The following NRBP2 variants were observed in gnomAD, a reference collection of about 807,000 sequenced individuals.
NRBP2 encodes nuclear receptor-binding protein 2.
A neutral mutation model predicts 74.4 loss-of-function variants in NRBP2; 47 were observed. The ratio of observed to expected loss-of-function variants is 0.63; its 90% confidence interval spans 0.50 to 0.81. The LOEUF (loss-of-function observed/expected upper bound fraction) is 0.81. Ranked by LOEUF, NRBP2 falls within the 30% of genes least tolerant of loss-of-function variation. The pLI is 0.00. For missense variants in NRBP2, 613 were observed against 690.1 expected, an observed-to-expected ratio of 0.89 and a Z score of 1.25; for synonymous variants, 312 against 273.8, an observed-to-expected ratio of 1.14 and a Z score of -1.38.
In NRBP2 at chr8:143,835,333, C is replaced by G; in HGVS notation, c.*329G>C. 2.2e-6 allele frequency: 1 copy of G among 449,036 alleles called. No individual in the cohort carries two copies. The highest frequency in any genetic ancestry group is 4.0e-6 in the Non-Finnish European group (1 of 247,042). 27.8% of individuals were successfully genotyped at this position (449,036 alleles called of 1,614,324 possible). Reference sequence around the variant, plus strand: ...AGAGCTGGGGTTCCCTACAGGGCAGCCTCCTGCATGCTGAGGAGGCAGTGG... The same window carrying G: ...AGAGCTGGGGTTCCCTACAGGGCAGGCTCCTGCATGCTGAGGAGGCAGTGG... On this transcript the variant is annotated 3_prime_UTR_variant, in exon 18 of 18. Transcript: ENST00000442628. The surrounding 1 kb of genome is among the most constrained non-coding windows in gnomAD (Gnocchi z 4.9).
rs976695301 is a variant in NRBP2 at position 143,839,485 on chromosome 8, G to A, written c.485+24C>T. On this transcript the variant is annotated intron_variant, in intron 5 of 17. Coordinates refer to ENST00000442628, the MANE Select transcript of NRBP2 (RefSeq NM_178564.4). The surrounding 1 kb of genome is among the most constrained non-coding windows in gnomAD (Gnocchi z 5.1). ...AGAGATGGGGGCTCGGTGGCGCCGC[G>A]CCCAGGCCAGCCCAGGCCCTCACCT... 36 of 1,531,532 alleles carry A rather than the reference G, an allele frequency of 2.4e-5. No homozygotes were observed. Among genetic ancestry groups the A allele is most frequent in the Non-Finnish European group, 2.8e-5 (32 of 1,144,844 alleles). The allele number at this position is 1,531,532 out of a possible 1,614,324, so 94.9% of individuals were successfully genotyped here.
intron 14 of NRBP2, among the ~76,000 whole-genome samples, chr8:143,836,744 G>A (rs1197212908): frequency 2.0e-5 from 3 of 151,322 alleles, no homozygotes; most frequent in African/African-American, 7.3e-5. Context: ...TTGCTGGCAG[G>A]GTGGAAGAGC....
chr8:143,835,632 G>A lies in NRBP2; in HGVS notation c.*30C>T, dbSNP rs367899787. 4.5e-4 allele frequency: 688 copies of A among 1,542,282 alleles called. 6 individuals carry two copies. The African/African-American group carries it at 7.8e-3, about 17-fold the overall frequency. Reference sequence around the variant, plus strand: ...ACATGGCCTGCCCAGGCAGCACCCCGGCATGGTCCCCTGGGGCTGGGGCTC... The same window carrying A: ...ACATGGCCTGCCCAGGCAGCACCCCAGCATGGTCCCCTGGGGCTGGGGCTC... On this transcript the variant is annotated 3_prime_UTR_variant, in exon 18 of 18. Coordinates refer to ENST00000442628, the MANE Select transcript of NRBP2 (RefSeq NM_178564.4). This position sits in a 1 kb window ranked among gnomAD's most constrained non-coding sequence, Gnocchi z 4.9.
chr8:143,839,919 C>T lies in NRBP2; in HGVS notation c.354+10G>A, dbSNP rs782131919. 2.0e-6 allele frequency: 3 copies of T among 1,536,042 alleles called. No homozygotes were observed. In the South Asian group the frequency reaches 3.6e-5, roughly 18 times the overall value. On this transcript the variant is annotated intron_variant, in intron 3 of 17. Coordinates refer to ENST00000442628, the MANE Select transcript of NRBP2 (RefSeq NM_178564.4). The surrounding 1 kb of genome is among the most constrained non-coding windows in gnomAD (Gnocchi z 5.1). ...GGTCTCTGCCTGCCCGGGGCCTTGCCCGTGCTCACCCTCGCGCAGGCCTCA... is the reference window on the plus strand; with the variant it reads ...GGTCTCTGCCTGCCCGGGGCCTTGCTCGTGCTCACCCTCGCGCAGGCCTCA...
At chr8:143,832,243 C>G (rs576006187), downstream of NRBP2, among the ~76,000 whole-genome samples, 571 of 151,604 alleles carry the variant, frequency 3.8e-3, 10 homozygotes, top group African/African-American at 0.013. Context: ...AGAGTCATCA[C>G]CACTCCCTAA....
Position 143,840,110 on chromosome 8 carries a change from G to A in NRBP2, c.249C>T (p.His83=), listed in dbSNP as rs782766071. 3 of 1,536,114 alleles carry A rather than the reference G, an allele frequency of 2.0e-6. No homozygotes were observed. Among genetic ancestry groups the A allele is most frequent in the Admixed American group, 3.9e-5 (2 of 51,012 alleles). Residue 83 remains histidine (H), a synonymous_variant, in exon 2 of 18, where the codon CAC becomes CAT. Coordinates refer to ENST00000442628, the MANE Select transcript of NRBP2 (RefSeq NM_178564.4). This position sits in a 1 kb window ranked among gnomAD's most constrained non-coding sequence, Gnocchi z 5.7. ...HFGDRKAFAA[H]EEKIQTVFEQ... ...GAGGAGGGGGCAGCGGTCTCACCTC[G>A]TGCGCCGCGAAGGCCTTCCTGTCTC...
At position 143,840,532 on chromosome 8, in the gene NRBP2, A is replaced by G; in HGVS notation, c.129+174T>C. ...AGGAGACTGGCCCTCAGGGAGTCCC[A>G]GGGCGAGCGCCAGGCCAAAGGGGTC... On this transcript the variant is annotated intron_variant, in intron 1 of 17. Coordinates refer to ENST00000442628, the MANE Select transcript of NRBP2 (RefSeq NM_178564.4). The surrounding 1 kb of genome is among the most constrained non-coding windows in gnomAD (Gnocchi z 5.7). 1.4e-6 allele frequency: 1 copy of G among 702,854 alleles called. No individual in the cohort carries two copies. The highest frequency in any genetic ancestry group is 2.3e-6 in the Non-Finnish European group (1 of 440,412). The allele number at this position is 702,854 out of a possible 1,614,324, so 43.5% of individuals were successfully genotyped here. A position where few individuals can be genotyped will look rare whatever the true frequency, so the allele number is the denominator to read the frequency against.
downstream of NRBP2, among the ~76,000 whole-genome samples, chr8:143,832,617 T>C (rs1272388350): frequency 1.3e-5 from 2 of 152,196 alleles, no homozygotes; most frequent in Non-Finnish European, 2.9e-5. Flanking sequence ...TTGTAAAGCA[T>C]TGAGATGTTT....
Position 143,839,417 on chromosome 8 carries a change from G to T in NRBP2, c.486-9C>A. ...TGCAGGCGTGCAGGAAGCTGCAGAC[G>T]TTGGGGAGGGGAGAGTAGGAGGAGC... is the stretch of plus-strand genomic sequence containing the variant. On this transcript the variant is annotated splice_polypyrimidine_tract_variant and intron_variant, in intron 5 of 17. Transcript: ENST00000442628. This position sits in a 1 kb window ranked among gnomAD's most constrained non-coding sequence, Gnocchi z 5.1. 1 of 1,556,438 alleles carries T rather than the reference G, an allele frequency of 6.4e-7. No homozygotes were observed.
chr8:143,836,190 G>C lies in NRBP2; in HGVS notation c.1264-10C>G. ...ACTGCATCTGGATGACCTGCAGCGG[G>C]GGAAGGCTGGGACTCACAAACCCAG... On this transcript the variant is annotated splice_polypyrimidine_tract_variant and intron_variant, in intron 14 of 17. Coordinates refer to ENST00000442628, the MANE Select transcript of NRBP2 (RefSeq NM_178564.4). 6.5e-7 allele frequency: 1 copy of C among 1,539,240 alleles called. No homozygotes were observed. The highest frequency in any genetic ancestry group is 1.4e-5 in the African/African-American group (1 of 70,372).
chr8:143,832,534 C>T (rs1554650471), downstream of NRBP2, among the ~76,000 whole-genome samples: 1 of 152,266 alleles, frequency 6.6e-6, no homozygotes, highest in Non-Finnish European at 1.5e-5. Context: ...AACCTGATTG[C>T]ATGCTCCATC....
At chr8:143,833,215 C>T (rs1053614842), downstream of NRBP2, 2 of 152,186 alleles carry the variant, frequency 1.3e-5, no homozygotes, top group African/African-American at 2.4e-5. Context: ...ACAGGATGCT[C>T]ATGCTTCTTC....
At position 143,840,246 on chromosome 8, in the gene NRBP2, G is replaced by T. The variant is rs1458957901; in HGVS notation, c.130-17C>A. 1 of 1,535,802 alleles carries T rather than the reference G, an allele frequency of 6.5e-7. No homozygotes were observed. Among genetic ancestry groups the T allele is most frequent in the African/African-American group, 1.4e-5 (1 of 73,176 alleles). On this transcript the variant is annotated splice_polypyrimidine_tract_variant and intron_variant, in intron 1 of 17. Coordinates refer to ENST00000442628, the MANE Select transcript of NRBP2 (RefSeq NM_178564.4). This position sits in a 1 kb window ranked among gnomAD's most constrained non-coding sequence, Gnocchi z 5.7. Reference sequence around the variant, plus strand: ...TTGGTTTACCTGGGGGTGAATAAAGGGTTATGTGTGCCCTGGTGTGTGTCA... The same window carrying T: ...TTGGTTTACCTGGGGGTGAATAAAGTGTTATGTGTGCCCTGGTGTGTGTCA...
At chr8:143,831,262 G>C (rs1818156678), downstream of NRBP2, among the ~76,000 whole-genome samples, 1 of 152,224 alleles carries the variant, frequency 6.6e-6, no homozygotes, top group African/African-American at 2.4e-5. Flanking sequence ...ACAAGGCAGG[G>C]AGCAGCAGTA....
At position 143,840,568 on chromosome 8, in the gene NRBP2, T is replaced by G; in HGVS notation, c.129+138A>C. ...CAGGCCAAAGGGGTCCAGGGGTGGC[T>G]GATTCGCGGGCCGCGAGGGGCCGCG... On this transcript the variant is annotated intron_variant, in intron 1 of 17. Coordinates refer to ENST00000442628, the MANE Select transcript of NRBP2 (RefSeq NM_178564.4). This position sits in a 1 kb window ranked among gnomAD's most constrained non-coding sequence, Gnocchi z 5.7. 1 of 895,398 alleles carries G rather than the reference T, an allele frequency of 1.1e-6. No homozygotes were observed. Among genetic ancestry groups the G allele is most frequent in the Non-Finnish European group, 1.6e-6 (1 of 628,098 alleles). 55.5% of individuals were successfully genotyped at this position (895,398 alleles called of 1,614,324 possible).
chr8:143,839,560 ACGCACGACTCCGTCGGT>A lies in NRBP2; in HGVS notation c.445-28_445-12del. The stretch of plus-strand genomic sequence containing the variant: ...CCAGCGCTTCCAGGCCTGGCGGCGG[ACGCACGACTCCGTCGGT>A]CGGGTGGGCGCAGGAGAGGCGGCTG... On this transcript the variant is annotated splice_polypyrimidine_tract_variant and intron_variant, in intron 4 of 17. Coordinates refer to ENST00000442628, the MANE Select transcript of NRBP2 (RefSeq NM_178564.4). This position sits in a 1 kb window ranked among gnomAD's most constrained non-coding sequence, Gnocchi z 5.1. The A allele has an allele frequency of 6.5e-7, 1 of 1,529,780 alleles. No individual in the cohort carries two copies. The highest frequency in any genetic ancestry group is 8.7e-7 in the Non-Finnish European group (1 of 1,144,238). The allele number at this position is 1,529,780 out of a possible 1,614,324, so 94.8% of individuals were successfully genotyped here.
downstream of NRBP2, among the ~76,000 whole-genome samples, chr8:143,831,568 C>T (rs1554650270): frequency 6.6e-6 from 1 of 152,220 alleles, no homozygotes; most frequent in African/African-American, 2.4e-5. Flanking sequence ...TTGCAGTGCC[C>T]TGTGATCACA....
At position 143,835,880 on chromosome 8, in the gene NRBP2, G is replaced by C. The variant is rs1554651492; in HGVS notation, c.1382-5C>G. The C allele has an allele frequency of 3.1e-6, 5 of 1,603,252 alleles. No homozygotes were observed. Among genetic ancestry groups the C allele is most frequent in the African/African-American group, 1.3e-5 (1 of 74,938 alleles). On this transcript the variant is annotated splice_polypyrimidine_tract_variant and splice_region_variant and intron_variant, in intron 16 of 17. Coordinates refer to ENST00000442628, the MANE Select transcript of NRBP2 (RefSeq NM_178564.4). The surrounding 1 kb of genome is among the most constrained non-coding windows in gnomAD (Gnocchi z 4.9). ...CGAGGTCCTGGGCGCTGTCCGCTGA[G>C]GCAATGGCGTAAGGCGAGGCATGAG...
chr8:143,835,747 G>A lies in NRBP2; in HGVS notation c.1438-17C>T. ...CCGGTCGTCCTGCGGAAGGAGGGAGGCATGGGGGACGGAGGGGCGCGGCCT... is the reference window on the plus strand; with the variant it reads ...CCGGTCGTCCTGCGGAAGGAGGGAGACATGGGGGACGGAGGGGCGCGGCCT... On this transcript the variant is annotated splice_polypyrimidine_tract_variant and intron_variant, in intron 17 of 17. Transcript: ENST00000442628. This position sits in a 1 kb window ranked among gnomAD's most constrained non-coding sequence, Gnocchi z 4.9. 6.3e-7 allele frequency: 1 copy of A among 1,596,764 alleles called. No individual in the cohort carries two copies. Among genetic ancestry groups the A allele is most frequent in the South Asian group, 1.1e-5 (1 of 88,778 alleles).
Sources: gnomAD v4.1 joint callset for allele counts (sites outside exome capture counted in the v4.1 genomes callset) on GRCh38, gnomAD v4.1.1 for gene constraint, Gnocchi (gnomAD v3.1) non-coding constraint, MANE v1.5 for transcripts, NCBI Gene and HGNC (gene_info 2026-07-23, HGNC 2026-07-21) for gene names.